Variants in PHACTR2 observed in about 807,000 individuals in gnomAD.
PHACTR2 encodes chromosome 6 open reading frame 56.
A neutral mutation model predicts 76.0 loss-of-function variants in PHACTR2; 30 were observed. The observed-to-expected ratio is 0.39, with a 90% CI of 0.30 to 0.54. The LOEUF is 0.54. Ranked by LOEUF, PHACTR2 falls within the 20% of genes least tolerant of loss-of-function variation. The pLI is 0.61. For missense variants in PHACTR2, 696 were observed against 781.1 expected, an observed-to-expected ratio of 0.89 and a Z score of 1.30; for synonymous variants, 292 against 292.5, an observed-to-expected ratio of 1.00 and a Z score of 0.02.
chr6:143,798,361 T>A (rs1313899758), intron 11 of PHACTR2, among the ~76,000 whole-genome samples: 1 of 152,242 alleles, frequency 6.6e-6, no homozygotes, highest in Non-Finnish European at 1.5e-5. Flanking sequence ...TAATTGGACT[T>A]CCTCTCTTCC....
rs1170874204 is a variant in PHACTR2 at position 143,652,612 on chromosome 6, G to T, written c.13+44290G>T. Among the ~76,000 whole-genome samples, 1 of 152,186 alleles carries T rather than the reference G, an allele frequency of 6.6e-6. No individual in the cohort carries two copies. On this transcript the variant is annotated intron_variant, in intron 1 of 11. Transcript: ENST00000305766. This position sits in a 1 kb window ranked among gnomAD's most constrained non-coding sequence, Gnocchi z 4.5. ...GTCAGTTTTCAGATCTTATTAAAAA[G>T]CTCAGGGTTTCGGGAATCCGACTGT... is the stretch of plus-strand genomic sequence containing the variant.
rs545847897 is a variant in PHACTR2, at chr6:143,828,087, T to C, written c.*4398T>C. The C allele has an allele frequency of 8.6e-5, 13 of 151,568 alleles. No individual in the cohort carries two copies. Among genetic ancestry groups the C allele is most frequent in the Admixed American group, 7.2e-4 (11 of 15,222 alleles). The allele number at this position is 151,568 out of a possible 1,614,324, so 9.4% of individuals were successfully genotyped here. ...ATCGCTTAAACCCGGGAGGTGGAGG[T>C]TGCAGTGGGCCCAGATCGTGCCACT... On this transcript the variant is annotated 3_prime_UTR_variant, in exon 13 of 13. Coordinates refer to ENST00000440869, the MANE Select transcript of PHACTR2 (RefSeq NM_001100164.2). This position sits in a 1 kb window ranked among gnomAD's most constrained non-coding sequence, Gnocchi z 4.7.
intron 11 of PHACTR2, among the ~76,000 whole-genome samples, chr6:143,796,509 C>T (rs774290224): frequency 8.6e-5 from 13 of 151,836 alleles, no homozygotes; most frequent in Non-Finnish European, 1.8e-4. Context: ...TTTGCTGCAC[C>T]CATCAACCCA....
Position 143,583,080 on chromosome 6 carries a change from G to T in PHACTR2, c.217+45873G>T, listed in dbSNP as rs749179433. 6.6e-6 allele frequency among the ~76,000 whole-genome samples: 1 copy of T among 152,152 alleles called. No individual in the cohort carries two copies. Among genetic ancestry groups the T allele is most frequent in the Non-Finnish European group, 1.5e-5 (1 of 68,022 alleles). On this transcript the variant is annotated intron_variant, in intron 1 of 11. Transcript: ENST00000367584. The surrounding 1 kb of genome is among the most constrained non-coding windows in gnomAD (Gnocchi z 4.0). Reference sequence around the variant, plus strand: ...ATTTTGGATATGAAGACTTCTCAGAGAATTTAGAATTTAGTTAAATTTCTA... The same window carrying T: ...ATTTTGGATATGAAGACTTCTCAGATAATTTAGAATTTAGTTAAATTTCTA...
At position 143,646,594 on chromosome 6, in the gene PHACTR2, C is replaced by T. The variant is rs139800463; in HGVS notation, c.13+38272C>T. ...TTATTATTGAACTAGAGTTCCCTTTCCTAGGTACATGGAGCAAATAGAGAA... is the reference window on the plus strand; with the variant it reads ...TTATTATTGAACTAGAGTTCCCTTTTCTAGGTACATGGAGCAAATAGAGAA... On this transcript the variant is annotated intron_variant, in intron 1 of 11. Coordinates refer to the PHACTR2 transcript ENST00000305766. This position sits in a 1 kb window ranked among gnomAD's most constrained non-coding sequence, Gnocchi z 4.1. Among the ~76,000 whole-genome samples, 54 of 152,262 alleles carry T rather than the reference C, an allele frequency of 3.5e-4. No homozygotes were observed. Among genetic ancestry groups the T allele is most frequent in the Non-Finnish European group, 6.5e-4 (44 of 68,020 alleles).
rs572985002 is a variant in PHACTR2, at chr6:143,755,078, A to G, written c.454+1166A>G. On this transcript the variant is annotated intron_variant, in intron 4 of 12. Coordinates refer to ENST00000440869, the MANE Select transcript of PHACTR2 (RefSeq NM_001100164.2). This position sits in a 1 kb window ranked among gnomAD's most constrained non-coding sequence, Gnocchi z 5.2. The stretch of plus-strand genomic sequence containing the variant: ...AGCCTGTGTAAATAATCTGTTGGAA[A>G]TGTATTATTTTGCTTTATTTCAAGG... 6.6e-5 allele frequency among the ~76,000 whole-genome samples: 10 copies of G among 152,338 alleles called. No individual in the cohort carries two copies. The South Asian group carries it at 2.1e-3, about 32-fold the overall frequency.
At position 143,755,858 on chromosome 6, in the gene PHACTR2, C is replaced by T. The variant is rs753688306; in HGVS notation, c.454+1946C>T. On this transcript the variant is annotated intron_variant, in intron 4 of 12. Coordinates refer to ENST00000440869, the MANE Select transcript of PHACTR2 (RefSeq NM_001100164.2). This position sits in a 1 kb window ranked among gnomAD's most constrained non-coding sequence, Gnocchi z 5.2. ...AGAAAATGCCTTATGACAAAGGTAA[C>T]AATTTATTTCTCTAGAAAAACATTT... Among the ~76,000 whole-genome samples, 3 of 152,120 alleles carry T rather than the reference C, an allele frequency of 2.0e-5. No homozygotes were observed. The highest frequency in any genetic ancestry group is 4.4e-5 in the Non-Finnish European group (3 of 68,022).
At chr6:143,560,071 C>T (rs1775244193) in intron 1 of PHACTR2, among the ~76,000 whole-genome samples, 1 of 152,084 alleles carries the variant, frequency 6.6e-6, no homozygotes, top group East Asian at 1.9e-4. Flanking sequence ...GTTATGAAAA[C>T]ATAAGTTGTA....
At position 143,712,055 on chromosome 6, in the gene PHACTR2, G is replaced by T; in HGVS notation, c.86G>T (p.Gly29Val). The T allele has an allele frequency of 6.3e-7, 1 of 1,594,166 alleles. No homozygotes were observed. Among genetic ancestry groups the T allele is most frequent in the Non-Finnish European group, 8.5e-7 (1 of 1,172,678 alleles). ...LDKASIANSD[G>V]PTAGSQTPPF... The stretch of plus-strand genomic sequence containing the variant: ...AAAGCTTCTATAGCAAACTCAGATG[G>T]CCCCACAGCAGGTTCCCAAACACCT... Residue 29 changes from glycine to valine, a missense_variant, in exon 2 of 13, where the codon GGC becomes GTC. Coordinates refer to ENST00000440869, the MANE Select transcript of PHACTR2 (RefSeq NM_001100164.2).
In PHACTR2 at chr6:143,760,697, G is replaced by T. The variant is rs1779421671; in HGVS notation, c.694+57G>T. Reference sequence around the variant, plus strand: ...CTTCTAGGGTGCTTGGCTCTGGGATGGGGCTAATTGTTTCTTCTAGGTGTG... The same window carrying T: ...CTTCTAGGGTGCTTGGCTCTGGGATTGGGCTAATTGTTTCTTCTAGGTGTG... On this transcript the variant is annotated intron_variant, in intron 5 of 12. Transcript: ENST00000440869. The surrounding 1 kb of genome is among the most constrained non-coding windows in gnomAD (Gnocchi z 6.4). The T allele has an allele frequency of 6.4e-7, 1 of 1,573,610 alleles. No individual in the cohort carries two copies. The highest frequency in any genetic ancestry group is 1.4e-5 in the African/African-American group (1 of 73,238).
chr6:143,613,956 C>T (rs1346688634), intron 1 of PHACTR2, among the ~76,000 whole-genome samples: 1 of 152,190 alleles, frequency 6.6e-6, no homozygotes, highest in Non-Finnish European at 1.5e-5. Flanking sequence ...GGCGTGGTGG[C>T]TCACATCTGT....
At position 143,635,515 on chromosome 6, in the gene PHACTR2, A is replaced by G. The variant is rs897181555; in HGVS notation, c.13+27193A>G. On this transcript the variant is annotated intron_variant, in intron 1 of 11. Coordinates refer to the PHACTR2 transcript ENST00000305766. ...GTTTTCCTTCTAAATGTTTCTAACT[A>G]TTTATACTCCCACAGTCAGTGTATG... Among the ~76,000 whole-genome samples the G allele has an allele frequency of 2.6e-5, 4 of 152,354 alleles. No individual in the cohort carries two copies. In the South Asian group the frequency reaches 8.3e-4, roughly 32 times the overall value.
chr6:143,604,404 A>G (rs930651102), upstream of PHACTR2, among the ~76,000 whole-genome samples: 3 of 152,116 alleles, frequency 2.0e-5, no homozygotes, highest in Admixed American at 1.3e-4. Context: ...TTAGCCTGTG[A>G]TTTTGGAGTC....
chr6:143,553,319 G>C lies in PHACTR2; in HGVS notation c.217+16112G>C, dbSNP rs1161673261. 6.6e-6 allele frequency among the ~76,000 whole-genome samples: 1 copy of C among 152,228 alleles called. No homozygotes were observed. The highest frequency in any genetic ancestry group is 1.5e-5 in the Non-Finnish European group (1 of 68,036). ...AGTGTGAACTGAACAACTTCAATTT[G>C]TACAGAAGTGACTGTGCATTTTAAA... On this transcript the variant is annotated intron_variant, in intron 1 of 11. Transcript: ENST00000367584. This position sits in a 1 kb window ranked among gnomAD's most constrained non-coding sequence, Gnocchi z 4.2.
In PHACTR2 at chr6:143,811,026, A is replaced by G. The variant is rs1200390463; in HGVS notation, c.1922+3893A>G. On this transcript the variant is annotated intron_variant, in intron 12 of 12. Coordinates refer to ENST00000440869, the MANE Select transcript of PHACTR2 (RefSeq NM_001100164.2). This position sits in a 1 kb window ranked among gnomAD's most constrained non-coding sequence, Gnocchi z 4.1. ...TTTTTGTATATTCAAATCTATCTGT[A>G]TTGTTATGTTTTACTTCATTGTTTT... Among the ~76,000 whole-genome samples, 2 of 152,076 alleles carry G rather than the reference A, an allele frequency of 1.3e-5. No individual in the cohort carries two copies. Among genetic ancestry groups the G allele is most frequent in the African/African-American group, 4.8e-5 (2 of 41,396 alleles).
rs541029763 is a variant in PHACTR2, at chr6:143,537,466, G to A, written c.217+259G>A. On this transcript the variant is annotated intron_variant, in intron 1 of 11. Coordinates refer to the PHACTR2 transcript ENST00000367584. This position sits in a 1 kb window ranked among gnomAD's most constrained non-coding sequence, Gnocchi z 4.4. ...CCTTGCGGGGCGAGTGTGCAGCCTG[G>A]GTTGGGGTAGGGAGCGCTCCCTCTC... 4.0e-4 allele frequency among the ~76,000 whole-genome samples: 61 copies of A among 152,304 alleles called. No homozygotes were observed. Among genetic ancestry groups the A allele is most frequent in the African/African-American group, 1.3e-3 (56 of 41,580 alleles).
rs932228546 is a variant in PHACTR2, at chr6:143,580,378, T to A, written c.217+43171T>A. On this transcript the variant is annotated intron_variant, in intron 1 of 11. Coordinates refer to the PHACTR2 transcript ENST00000367584. This position sits in a 1 kb window ranked among gnomAD's most constrained non-coding sequence, Gnocchi z 4.2. ...CGGGCGCCTGTAGTCCCAGCTACTC[T>A]GGAGGCTGAGGCAGGAGAATGGCGT... Among the ~76,000 whole-genome samples, 1 of 152,132 alleles carries A rather than the reference T, an allele frequency of 6.6e-6. No homozygotes were observed. Among genetic ancestry groups the A allele is most frequent in the African/African-American group, 2.4e-5 (1 of 41,422 alleles).
chr6:143,721,295 G>A (rs1233027254), intron 2 of PHACTR2, among the ~76,000 whole-genome samples: 2 of 152,134 alleles, frequency 1.3e-5, no homozygotes, highest in Admixed American at 6.6e-5. Flanking sequence ...GGAATTATGG[G>A]TATGCTCCCA....
At chr6:143,601,118 A>C (rs1775810519) in intron 1 of PHACTR2, among the ~76,000 whole-genome samples, 1 of 152,236 alleles carries the variant, frequency 6.6e-6, no homozygotes, top group South Asian at 2.1e-4. Context: ...AAATAAATGC[A>C]TAAAGAAAGT....
Sources: gnomAD v4.1 joint callset for allele counts (sites outside exome capture counted in the v4.1 genomes callset) on GRCh38, gnomAD v4.1.1 for gene constraint, Gnocchi (gnomAD v3.1) non-coding constraint, MANE v1.5 for transcripts, NCBI Gene and HGNC (gene_info 2026-07-23, HGNC 2026-07-21) for gene names.